Variants in TACC2 observed in about 807,000 individuals in gnomAD.
TACC2 encodes transforming acidic coiled-coil containing protein 2, also known as transforming acidic coiled-coil-containing protein 2.
In TACC2, 137 loss-of-function variants were observed where a neutral mutation model predicts 227.3. The observed-to-expected ratio is 0.60, with a 90% CI of 0.52 to 0.69. The LOEUF is 0.69. Among genes scored for constraint, TACC2 ranks in the 30% least tolerant of loss-of-function variants. The pLI, the probability that TACC2 is intolerant of heterozygous loss-of-function variation, is 0.00. For missense variants in TACC2, 3,470 were observed against 3,694.4 expected (o/e 0.94, Z 1.57); for synonymous variants, 1,523 against 1,487.5 (o/e 1.02, Z -0.55).
chr10:122,188,436 C>T (rs534152181), intron 7 of TACC2, among the ~76,000 whole-genome samples: 5 of 152,136 alleles, frequency 3.3e-5, no homozygotes, highest in South Asian at 4.2e-4. Flanking sequence ...TGCGCCACCA[C>T]GCCTGGCTAA....
chr10:122,080,177 T>G (rs1251926227), intron 3 of TACC2, among the ~76,000 whole-genome samples: 1 of 152,054 alleles, frequency 6.6e-6, no homozygotes, highest in African/African-American at 2.4e-5. Flanking sequence ...AGCTTTTCCT[T>G]TGTGTATCTG....
intron 7 of TACC2, among the ~76,000 whole-genome samples, chr10:122,173,422 C>T (rs924936960): frequency 2.0e-5 from 3 of 152,240 alleles, no homozygotes; most frequent in African/African-American, 4.8e-5. Flanking sequence ...GCTTGGCCCA[C>T]GAATGCCCCT....
intron 3 of TACC2, among the ~76,000 whole-genome samples, chr10:122,072,080 A>G (rs2078143559): frequency 6.8e-6 from 1 of 146,734 alleles, no homozygotes; most frequent in African/African-American, 2.5e-5. Context: ...TCGGGTTCAC[A>G]CCATTCTCCT....
intron 2 of TACC2, chr10:122,023,124 G>A (rs922091721): frequency 6.6e-6 from 1 of 152,048 alleles, no homozygotes; most frequent in African/African-American, 2.4e-5. Context: ...TCTCCCCCCG[G>A]GTTCAAGCAG....
intron 1 of TACC2, among the ~76,000 whole-genome samples, chr10:122,012,770 T>C (rs375614467): frequency 1.2e-4 from 18 of 152,116 alleles, no homozygotes; most frequent in African/African-American, 3.6e-4. Flanking sequence ...CAGAGCTCCA[T>C]GGAGGGGGCT....
chr10:122,253,816 C>T (rs1326229577), intron 22 of TACC2, among the ~76,000 whole-genome samples, 175 bp from the exon 23 acceptor site: 1 of 152,200 alleles, frequency 6.6e-6, no homozygotes, highest in Non-Finnish European at 1.5e-5. Context: ...TGTGGAAGAT[C>T]ACACAGCTAC....
chr10:122,176,117 CTATA>C (rs35172894), intron 7 of TACC2, among the ~76,000 whole-genome samples: 844 of 54,384 alleles, frequency 0.016, 6 homozygotes, highest in South Asian at 0.029. Flanking sequence ...CTCTCTCTCT[CTATA>C]TATATATATA....
intron 1 of TACC2, among the ~76,000 whole-genome samples, chr10:122,012,930 C>T (rs1956129596): frequency 6.6e-6 from 1 of 152,200 alleles, no homozygotes; most frequent in African/African-American, 2.4e-5. Context: ...CTCATAGAAA[C>T]AAGAAACAGA....
intron 2 of TACC2, among the ~76,000 whole-genome samples, chr10:122,039,631 C>T (rs189991725): frequency 1.3e-5 from 2 of 152,144 alleles, no homozygotes; most frequent in Non-Finnish European, 2.9e-5. Context: ...CTCGGAGCCT[C>T]TAGGCAGTGA....
At chr10:122,223,800 T>A (rs1404876223) in intron 11 of TACC2, among the ~76,000 whole-genome samples, 2 of 152,238 alleles carry the variant, frequency 1.3e-5, no homozygotes, top group African/African-American at 2.4e-5. Context: ...TTGCCACTGA[T>A]GCTTTTTCAC....
At chr10:122,224,694 T>TTTTGTG in intron 11 of TACC2, 32 bp from the exon 12 acceptor site, 1 of 1,608,336 alleles carries the variant, frequency 6.2e-7, no homozygotes, top group Admixed American at 1.7e-5. Flanking sequence ...CCTTTTGTTT[T>TTTTGTG]TTTGTGTTTG....
chr10:122,042,988 T>A (rs983857192), intron 2 of TACC2, among the ~76,000 whole-genome samples: 1 of 152,102 alleles, frequency 6.6e-6, no homozygotes, highest in African/African-American at 2.4e-5. Context: ...GACTCTCCCT[T>A]TTATTTGTAC....
At chr10:122,220,994 G>A (rs1000739925) in intron 11 of TACC2, among the ~76,000 whole-genome samples, 2 of 152,196 alleles carry the variant, frequency 1.3e-5, no homozygotes, top group Non-Finnish European at 2.9e-5. Flanking sequence ...TGCTGCCTGC[G>A]TCTGTAGAAT....
chr10:122,112,951 G>A (rs2083897313), intron 5 of TACC2: 1 of 152,100 alleles, frequency 6.6e-6, no homozygotes, highest in African/African-American at 2.4e-5. Context: ...GCTGCCCCGG[G>A]TCGGAGAGCC....
At chr10:122,212,970 G>A (rs1320342607) in intron 9 of TACC2, among the ~76,000 whole-genome samples, 3 of 152,206 alleles carry the variant, frequency 2.0e-5, no homozygotes, top group African/African-American at 4.8e-5. Context: ...AACCTTAGCC[G>A]CCACCTCTTC....
At chr10:122,178,209 C>T (rs1421579494) in intron 7 of TACC2, among the ~76,000 whole-genome samples, 2 of 151,168 alleles carry the variant, frequency 1.3e-5, no homozygotes, top group Non-Finnish European at 2.9e-5. Context: ...CTCTGTACGG[C>T]CTCTTTTATA....
chr10:122,059,666 G>C (rs530895319), intron 3 of TACC2, among the ~76,000 whole-genome samples: 1 of 152,106 alleles, frequency 6.6e-6, no homozygotes, highest in African/African-American at 2.4e-5. Flanking sequence ...GCTCTGCTCC[G>C]GTGGGTAAAT....
rs1954371584 is a variant in TACC2 at position 122,001,700 on chromosome 10, T to A, written c.-46+12212T>A. 2.0e-5 allele frequency among the ~76,000 whole-genome samples: 3 copies of A among 152,358 alleles called. No homozygotes were observed. In the South Asian group the frequency reaches 6.2e-4, roughly 32 times the overall value. ...TTTTAAACTTTTGATTTATTTAAAA[T>A]CAGGATCCAAACGAGTTTCACAAGT... is the stretch of plus-strand genomic sequence containing the variant. On this transcript the variant is annotated intron_variant, in intron 1 of 22. Transcript: ENST00000369005.
intron 7 of TACC2, among the ~76,000 whole-genome samples, chr10:122,148,135 C>T (rs1280528262): frequency 1.4e-5 from 2 of 144,186 alleles, no homozygotes; most frequent in Non-Finnish European, 3.0e-5. Context: ...CAGAGTTTCG[C>T]TCTCATAGCC....
Sources: gnomAD v4.1 joint callset for allele counts (sites outside exome capture counted in the v4.1 genomes callset) on GRCh38, gnomAD v4.1.1 for gene constraint, MANE v1.5 for transcripts, NCBI Gene and HGNC (gene_info 2026-07-23, HGNC 2026-07-21) for gene names.